The following COLEC12 variants were observed in gnomAD, a reference collection of about 807,000 sequenced individuals.
COLEC12 encodes the protein collectin-12.
A neutral mutation model predicts 71.1 loss-of-function variants in COLEC12; 33 were observed. The ratio of observed to expected loss-of-function variants is 0.46; its 90% CI spans 0.35 to 0.62. COLEC12 has a LOEUF of 0.62. Among genes scored for constraint, COLEC12 ranks in the 20% least tolerant of loss-of-function variants. The pLI, the probability that COLEC12 is intolerant of heterozygous loss-of-function variation, is 0.00. For synonymous variants in COLEC12, 350 were observed against 353.0 expected, an observed-to-expected ratio of 0.99 and a Z score of 0.10; for missense variants, 765 against 916.1, an observed-to-expected ratio of 0.84 and a Z score of 2.13.
At chr18:484,138 G>C (rs938991617) in intron 1 of COLEC12, among the ~76,000 whole-genome samples, 1 of 152,214 alleles carries the variant, frequency 6.6e-6, no homozygotes, top group Non-Finnish European at 1.5e-5. Flanking sequence ...CCATTAGCTT[G>C]TTTGTTTGTT....
chr18:422,898 T>G (rs1916125809), intron 2 of COLEC12, among the ~76,000 whole-genome samples: 1 of 152,326 alleles, frequency 6.6e-6, no homozygotes, highest in African/African-American at 2.4e-5. Flanking sequence ...TTTTTAGAAA[T>G]AAGACACAAC....
intron 1 of COLEC12, among the ~76,000 whole-genome samples, chr18:483,243 T>C (rs1228084769): frequency 4.0e-5 from 6 of 151,684 alleles, no homozygotes; most frequent in African/African-American, 1.5e-4. Flanking sequence ...CTACTAAAAA[T>C]ATAAAAATTA....
chr18:409,868 A>G (rs1259805000), intron 2 of COLEC12, among the ~76,000 whole-genome samples: 2 of 152,232 alleles, frequency 1.3e-5, no homozygotes, highest in Non-Finnish European at 2.9e-5. Context: ...ACAGATAAGC[A>G]CAAGAAGGAG....
intron 2 of COLEC12, among the ~76,000 whole-genome samples, chr18:468,138 TGTAGTCCCA>T (rs1346068576): frequency 6.6e-6 from 1 of 151,844 alleles, no homozygotes; most frequent in African/African-American, 2.4e-5. Flanking sequence ...GTCATGTGCC[TGTAGTCCCA>T]GCTGCTCGGG....
chr18:332,555 T>C (rs533865602), intron 7 of COLEC12, among the ~76,000 whole-genome samples: 103 of 152,240 alleles, frequency 6.8e-4, no homozygotes, highest in African/African-American at 2.4e-3. Context: ...GTGCCTGGCA[T>C]ATAGAGGGTC....
intron 2 of COLEC12, among the ~76,000 whole-genome samples, chr18:402,244 C>T (rs1175112649): frequency 1.3e-5 from 2 of 152,102 alleles, no homozygotes; most frequent in African/African-American, 2.4e-5. Context: ...CTAGAGGTTT[C>T]CCGTTGGTTC....
chr18:465,096 A>G (rs533130037), intron 2 of COLEC12, among the ~76,000 whole-genome samples: 1 of 152,252 alleles, frequency 6.6e-6, no homozygotes, highest in South Asian at 2.1e-4. Context: ...CTTAAACAAA[A>G]TTGTTAATTA....
Position 348,137 on chromosome 18 carries a change from C to T in COLEC12, c.208G>A (p.Gly70Ser), listed in dbSNP as rs1471159882. The change falls in exon 4 of 10, where the codon GGT (glycine) becomes AGT (serine). Residue 70 changes from glycine (G) to serine (S), a missense_variant. Gly to Ser is a moderately conservative substitution (Grantham distance 56). Transcript: ENST00000400256. Reference sequence around the variant, plus strand: ...GTTTGGCGAGATGTTTCCATGCCACCTGTGACATTGTCCATTTTCTCTACA... The same window carrying T: ...GTTTGGCGAGATGTTTCCATGCCACTTGTGACATTGTCCATTTTCTCTACA... ...KVVEKMDNVTGGMETSRQTYD... is the reference protein window; with the variant it reads ...KVVEKMDNVTSGMETSRQTYD... 6.2e-6 allele frequency: 10 copies of T among 1,613,454 alleles called. No individual in the cohort carries two copies. In the East Asian group the frequency reaches 2.2e-4, roughly 36 times the overall value.
chr18:483,730 G>A (rs1459845655), intron 1 of COLEC12, among the ~76,000 whole-genome samples: 1 of 152,192 alleles, frequency 6.6e-6, no homozygotes, highest in Non-Finnish European at 1.5e-5. Context: ...ATTAATGCTT[G>A]ATGTGGTAAT....
intron 2 of COLEC12, among the ~76,000 whole-genome samples, chr18:453,118 T>C (rs1408493294): frequency 6.6e-6 from 1 of 152,164 alleles, no homozygotes; most frequent in African/African-American, 2.4e-5. Context: ...TTTGCTTCTT[T>C]CTCCACCCCA....
At chr18:390,644 C>T (rs988037684) in intron 2 of COLEC12, among the ~76,000 whole-genome samples, 7 of 151,986 alleles carry the variant, frequency 4.6e-5, no homozygotes, top group Non-Finnish European at 1.0e-4. Context: ...CCTGTAGTCC[C>T]AGCTACTCGG....
intron 5 of COLEC12, among the ~76,000 whole-genome samples, chr18:338,732 G>A (rs1292933521): frequency 1.3e-5 from 2 of 152,216 alleles, no homozygotes; most frequent in Non-Finnish European, 2.9e-5. Flanking sequence ...TGGTGAAGGT[G>A]TCACGTATGT....
intron 2 of COLEC12, among the ~76,000 whole-genome samples, chr18:396,880 C>A (rs1018921958): frequency 6.6e-6 from 1 of 152,216 alleles, no homozygotes; most frequent in African/African-American, 2.4e-5. Flanking sequence ...AAAACCCACT[C>A]TCCACCTTTG....
At chr18:426,564 A>T (rs1916203418) in intron 2 of COLEC12, among the ~76,000 whole-genome samples, 1 of 152,110 alleles carries the variant, frequency 6.6e-6, no homozygotes, top group South Asian at 2.1e-4. Context: ...TTCTATATGG[A>T]CCTGCTCTTT....
chr18:327,412 C>T lies in COLEC12; in HGVS notation c.2063+4256G>A, dbSNP rs751577542. On this transcript the variant is annotated intron_variant, in intron 8 of 9. Transcript: ENST00000400256. This position sits in a 1 kb window ranked among gnomAD's most constrained non-coding sequence, Gnocchi z 4.0. ...CTGGGGACCCATCCTTGGAACTGTC[C>T]GGGCCATTGCAGGTGGCATCTCACG... is the stretch of plus-strand genomic sequence containing the variant. Among the ~76,000 whole-genome samples the T allele has an allele frequency of 7.9e-5, 12 of 152,106 alleles. No homozygotes were observed. The highest frequency in any genetic ancestry group is 1.2e-4 in the Non-Finnish European group (8 of 68,022).
At chr18:340,991 C>T (rs1279624456) in intron 5 of COLEC12, among the ~76,000 whole-genome samples, 1 of 152,146 alleles carries the variant, frequency 6.6e-6, no homozygotes, top group Non-Finnish European at 1.5e-5. Context: ...TCCAGTCATG[C>T]CGTCTTGTTT....
chr18:383,999 G>C (rs562743502), intron 2 of COLEC12, among the ~76,000 whole-genome samples: 3 of 152,248 alleles, frequency 2.0e-5, no homozygotes, highest in African/African-American at 7.2e-5. Context: ...CATGAGAACA[G>C]TATCGGGGAA....
intron 2 of COLEC12, among the ~76,000 whole-genome samples, chr18:417,092 T>G (rs950982643): frequency 7.1e-6 from 1 of 141,696 alleles, no homozygotes. Flanking sequence ...GATAGGGAGA[T>G]GTTCTGAGAA....
intron 2 of COLEC12, among the ~76,000 whole-genome samples, chr18:426,016 T>A (rs2621203): frequency 6.6e-6 from 1 of 152,102 alleles, no homozygotes; most frequent in East Asian, 1.9e-4. Flanking sequence ...CTTAAATATA[T>A]TGACTTACAG....
Sources: gnomAD v4.1 joint callset for allele counts (sites outside exome capture counted in the v4.1 genomes callset) on GRCh38, gnomAD v4.1.1 for gene constraint, Gnocchi (gnomAD v3.1) non-coding constraint, MANE v1.5 for transcripts, NCBI Gene and HGNC (gene_info 2026-07-23, HGNC 2026-07-21) for gene names.